LRRC8D: variants seen among roughly 807,000 people sequenced by gnomAD.
LRRC8D encodes leucine rich repeat containing 8 VRAC subunit D.
Under a neutral mutation model 55.8 loss-of-function variants are expected in LRRC8D, and 20 were observed. That is an observed-to-expected ratio of 0.36 (90% CI 0.25 to 0.52). LRRC8D has a LOEUF of 0.52. Ranked by LOEUF, LRRC8D falls within the 20% of genes least tolerant of loss-of-function variation. The pLI is 0.93. For synonymous variants in LRRC8D, 352 were observed against 377.0 expected (o/e 0.93, Z 0.77); for missense variants, 651 against 1,030.8 (o/e 0.63, Z 5.05).
chr1:89,850,467 A>G (rs1208394757), intron 2 of LRRC8D, among the ~76,000 whole-genome samples: 1 of 151,968 alleles, frequency 6.6e-6, no homozygotes, highest in African/African-American at 2.4e-5. Flanking sequence ...ATTTTCCTCT[A>G]TGTGTCCATG....
At chr1:89,821,781 G>C (rs1371135530) in intron 1 of LRRC8D, 1 of 152,150 alleles carries the variant, frequency 6.6e-6, no homozygotes, top group Non-Finnish European at 1.5e-5. Context: ...TTCCTGTGCA[G>C]GGTGGGCTGC....
At chr1:89,828,875 A>G (rs757818352) in intron 1 of LRRC8D, among the ~76,000 whole-genome samples, 9 of 152,204 alleles carry the variant, frequency 5.9e-5, no homozygotes, top group Non-Finnish European at 1.0e-4. Flanking sequence ...ATCGACAGAT[A>G]GCCAGCACTG....
intron 2 of LRRC8D, among the ~76,000 whole-genome samples, chr1:89,917,014 AG>A (rs1451516260): frequency 6.6e-6 from 1 of 152,206 alleles, no homozygotes; most frequent in Non-Finnish European, 1.5e-5. Flanking sequence ...TACAGGTAAA[AG>A]GTGGAAATAG....
At chr1:89,916,561 G>A (rs141139103) in intron 2 of LRRC8D, among the ~76,000 whole-genome samples, 1 of 152,114 alleles carries the variant, frequency 6.6e-6, no homozygotes, top group Non-Finnish European at 1.5e-5. Flanking sequence ...ATTGCCAAAG[G>A]TCATTAATGA....
At chr1:89,850,216 C>G (rs1394429042) in intron 2 of LRRC8D, among the ~76,000 whole-genome samples, 1 of 152,136 alleles carries the variant, frequency 6.6e-6, no homozygotes, top group Non-Finnish European at 1.5e-5. Context: ...TCTGAGATCT[C>G]TATTTGGTTC....
intron 1 of LRRC8D, among the ~76,000 whole-genome samples, chr1:89,834,999 G>A (rs375009155): frequency 2.0e-5 from 3 of 152,218 alleles, no homozygotes; most frequent in South Asian, 2.1e-4. Context: ...TCCATTGAAG[G>A]TTCTTGAGAA....
At chr1:89,889,731 A>G (rs1383931693) in intron 2 of LRRC8D, among the ~76,000 whole-genome samples, 1 of 151,636 alleles carries the variant, frequency 6.6e-6, no homozygotes. Flanking sequence ...AAAATACAAA[A>G]ATTTAGCCAG....
At chr1:89,909,245 T>G (rs1663072651) in intron 2 of LRRC8D, among the ~76,000 whole-genome samples, 1 of 152,164 alleles carries the variant, frequency 6.6e-6, no homozygotes, top group African/African-American at 2.4e-5. Context: ...TCTCTGGGTA[T>G]GCTTGTGCAA....
intron 2 of LRRC8D, among the ~76,000 whole-genome samples, chr1:89,924,937 G>A (rs769919937): frequency 1.3e-5 from 2 of 152,162 alleles, no homozygotes; most frequent in African/African-American, 4.8e-5. Context: ...AAGGAGGGGA[G>A]TTGGGTTGGA....
intron 1 of LRRC8D, among the ~76,000 whole-genome samples, chr1:89,836,311 A>T (rs1661004472): frequency 6.6e-6 from 1 of 152,200 alleles, no homozygotes. Context: ...AACATTAAAG[A>T]AATTAGAAAT....
rs780390803 is a variant in LRRC8D, at chr1:89,934,346, T to C, written c.1278T>C (p.Tyr426=). 5 of 1,613,792 alleles carry C rather than the reference T, an allele frequency of 3.1e-6. No individual in the cohort carries two copies. In the Admixed American group the frequency reaches 8.3e-5, roughly 27 times the overall value. The change falls in exon 3 of 3, where the codon TAT becomes TAC. Residue 426 remains tyrosine, a synonymous_variant. Transcript: ENST00000337338. The surrounding 1 kb of genome is among the most constrained non-coding windows in gnomAD (Gnocchi z 5.9). ...TCCTTCTTCACATGGTAGACCAGTA[T>C]GACCAGCTATATTCCAAGCGTTTTG... is the stretch of plus-strand genomic sequence containing the variant. ...FAFLLHMVDQ[Y]DQLYSKRFGV...
At chr1:89,873,546 A>G (rs1662074752) in intron 2 of LRRC8D, among the ~76,000 whole-genome samples, 3 of 152,202 alleles carry the variant, frequency 2.0e-5, no homozygotes, top group Admixed American at 6.5e-5. Context: ...TGGACTGACT[A>G]TATTGATAGG....
chr1:89,879,813 C>T (rs1557464648), intron 2 of LRRC8D, among the ~76,000 whole-genome samples: 1 of 152,100 alleles, frequency 6.6e-6, no homozygotes, highest in Non-Finnish European at 1.5e-5. Flanking sequence ...GTGCTAGCTT[C>T]ATGAGGGATA....
chr1:89,889,984 G>C (rs543157945), intron 2 of LRRC8D, among the ~76,000 whole-genome samples: 1 of 151,970 alleles, frequency 6.6e-6, no homozygotes, highest in Non-Finnish European at 1.5e-5. Flanking sequence ...TCAGGAGATC[G>C]AGACCATCCT....
chr1:89,933,712 A>G lies in LRRC8D; in HGVS notation c.644A>G (p.Glu215Gly). 6.2e-7 allele frequency: 1 copy of G among 1,614,196 alleles called. No individual in the cohort carries two copies. The highest frequency in any genetic ancestry group is 8.5e-7 in the Non-Finnish European group (1 of 1,180,032). The stretch of plus-strand genomic sequence containing the variant: ...CCTTGGACGACAAAAGCGTTGTCTG[A>G]GACAGCATGCGAAGACTCAGAGGAA... ...ESPWTTKALSETACEDSEENK... is the reference protein window; with the variant it reads ...ESPWTTKALSGTACEDSEENK... The change falls in exon 3 of 3, where the codon GAG becomes GGG. Residue 215 changes from glutamate to glycine, a missense_variant. Glu to Gly is a moderately conservative substitution (Grantham distance 98). Around this residue, in one of 5 missense-constraint regions of LRRC8D, gnomAD observed 178 missense variants for 374.9 expected, o/e 0.47. Coordinates refer to ENST00000337338, the MANE Select transcript of LRRC8D (RefSeq NM_001134479.2). The surrounding 1 kb of genome is among the most constrained non-coding windows in gnomAD (Gnocchi z 7.0).
intron 2 of LRRC8D, among the ~76,000 whole-genome samples, chr1:89,856,471 A>G (rs1661556423): frequency 6.6e-6 from 1 of 152,232 alleles, no homozygotes; most frequent in Non-Finnish European, 1.5e-5. Context: ...TTTGTGGGAT[A>G]CAAGCAAGAT....
Position 89,934,439 on chromosome 1 carries a change from T to G in LRRC8D, c.1371T>G (p.Phe457Leu), listed in dbSNP as rs1294824794. The G allele has an allele frequency of 6.2e-7, 1 of 1,614,160 alleles. No individual in the cohort carries two copies. The highest frequency in any genetic ancestry group is 8.5e-7 in the Non-Finnish European group (1 of 1,180,030). The change falls in exon 3 of 3, where the codon TTT becomes TTG. Residue 457 changes from phenylalanine (F) to leucine (L), a missense_variant. Physicochemically the swap from Phe to Leu is conservative, Grantham distance 22. Transcript: ENST00000337338. The surrounding 1 kb of genome is among the most constrained non-coding windows in gnomAD (Gnocchi z 5.9). ...TTAGTTTGAACCATGAGTGGACATT[T>G]GAAAAACTCAGGCAGCACATTTCAC... is the stretch of plus-strand genomic sequence containing the variant. ...REISLNHEWT[F>L]EKLRQHISRN...
chr1:89,869,318 C>T (rs1198110689), intron 2 of LRRC8D, among the ~76,000 whole-genome samples: 1 of 152,136 alleles, frequency 6.6e-6, no homozygotes, highest in Non-Finnish European at 1.5e-5. Context: ...AAAAACACAG[C>T]ATGAGAACTT....
intron 1 of LRRC8D, among the ~76,000 whole-genome samples, chr1:89,830,690 T>G (rs1391488398): frequency 6.6e-6 from 1 of 152,204 alleles, no homozygotes; most frequent in Non-Finnish European, 1.5e-5. Flanking sequence ...GGGCCGGTGT[T>G]GCCAGGTCTT....
Sources: gnomAD v4.1 joint callset for allele counts (sites outside exome capture counted in the v4.1 genomes callset) on GRCh38, gnomAD v4.1.1 for gene constraint, gnomAD v4.1.1 regional missense constraint, Gnocchi (gnomAD v3.1) non-coding constraint, MANE v1.5 for transcripts, NCBI Gene and HGNC (gene_info 2026-07-23, HGNC 2026-07-21) for gene names.